Variants in ZCWPW2 observed in about 807,000 individuals in gnomAD.
ZCWPW2 encodes the protein zinc finger CW-type and PWWP domain containing 2, also known as zinc finger CW-type PWWP domain protein 2.
Under a neutral mutation model 46.6 loss-of-function variants are expected in ZCWPW2, and 45 were observed. The observed-to-expected ratio is 0.96, with a 90% CI of 0.76 to 1.24. ZCWPW2 has a LOEUF of 1.24. Among genes scored for constraint, ZCWPW2 ranks in the 50% most tolerant of loss-of-function variants. ZCWPW2 has a pLI of 0.00. For synonymous variants in ZCWPW2, 152 were observed against 137.1 expected, an observed-to-expected ratio of 1.11 and a Z score of -0.76; for missense variants, 429 against 403.9, an observed-to-expected ratio of 1.06 and a Z score of -0.53.
intron 6 of ZCWPW2, among the ~76,000 whole-genome samples, chr3:28,512,660 C>T (rs893034753): frequency 3.9e-5 from 6 of 152,082 alleles, no homozygotes; most frequent in African/African-American, 9.7e-5. Flanking sequence ...ATAGATTTGG[C>T]GATCTCATCA....
chr3:28,435,094 T>C lies in ZCWPW2; in HGVS notation c.333-16T>C, dbSNP rs759348985. The C allele has an allele frequency of 1.0e-5, 16 of 1,604,650 alleles. No homozygotes were observed. Among genetic ancestry groups the C allele is most frequent in the Non-Finnish European group, 1.3e-5 (15 of 1,177,784 alleles). On this transcript the variant is annotated splice_polypyrimidine_tract_variant and intron_variant, in intron 3 of 9. Transcript: ENST00000383768. The stretch of plus-strand genomic sequence containing the variant: ...TTAAAAGCATCAAAATAATTACAAA[T>C]ATTTTCTTTTGAAAGTTGGCCAGGA...
intron 1 of ZCWPW2, among the ~76,000 whole-genome samples, chr3:28,380,695 A>T (rs1695014550): frequency 6.6e-6 from 1 of 151,708 alleles, no homozygotes; most frequent in Admixed American, 6.6e-5. Flanking sequence ...ATTTAGGTTG[A>T]AATCTTAGTA....
intron 5 of ZCWPW2, among the ~76,000 whole-genome samples, chr3:28,483,141 T>C (rs921763879): frequency 6.6e-6 from 1 of 152,206 alleles, no homozygotes; most frequent in Non-Finnish European, 1.5e-5. Context: ...CGCCCTATGA[T>C]TCATTGTGAG....
In ZCWPW2 at chr3:28,524,725, T is replaced by A; in HGVS notation, c.*37T>A. On this transcript the variant is annotated 3_prime_UTR_variant, in exon 10 of 10. Transcript: ENST00000383768. ...TTTTTCAAATTAATTATAAAAATATTGGCATCTTTATATTTATCCAAAGTT... is the reference window on the plus strand; with the variant it reads ...TTTTTCAAATTAATTATAAAAATATAGGCATCTTTATATTTATCCAAAGTT... 1 of 1,407,060 alleles carries A rather than the reference T, an allele frequency of 7.1e-7. No homozygotes were observed. The highest frequency in any genetic ancestry group is 1.5e-5 in the South Asian group (1 of 64,754). 87.2% of individuals were successfully genotyped at this position (1,407,060 alleles called of 1,614,324 possible).
At chr3:28,507,232 A>G (rs1700300372) in intron 6 of ZCWPW2, among the ~76,000 whole-genome samples, 1 of 152,168 alleles carries the variant, frequency 6.6e-6, no homozygotes, top group Admixed American at 6.6e-5. Context: ...GGAATATTTA[A>G]CAAAGTAGAA....
intron 2 of ZCWPW2, among the ~76,000 whole-genome samples, chr3:28,402,518 A>G (rs1303109547): frequency 2.0e-5 from 3 of 152,198 alleles, no homozygotes; most frequent in Non-Finnish European, 4.4e-5. Flanking sequence ...ATTTCACAAG[A>G]TAAAGAAAGA....
intron 1 of ZCWPW2, among the ~76,000 whole-genome samples, chr3:28,364,956 T>G (rs1705074582): frequency 6.6e-6 from 1 of 151,312 alleles, no homozygotes; most frequent in South Asian, 2.1e-4. Context: ...TTGGCTGAAG[T>G]GTCTGTTCAT....
chr3:28,481,408 T>C (rs879548848), intron 5 of ZCWPW2, among the ~76,000 whole-genome samples: 4 of 152,106 alleles, frequency 2.6e-5, no homozygotes, highest in Non-Finnish European at 1.5e-5. Context: ...CACGCCCAGC[T>C]AATTTTTGTA....
At chr3:28,461,661 T>A (rs1698642268) in intron 4 of ZCWPW2, 1 of 152,180 alleles carries the variant, frequency 6.6e-6, no homozygotes, top group South Asian at 2.1e-4. Flanking sequence ...CAATAAATAT[T>A]TACTCAACTC....
At chr3:28,428,093 C>T (rs939045615) in intron 3 of ZCWPW2, 8 of 152,056 alleles carry the variant, frequency 5.3e-5, no homozygotes, top group Non-Finnish European at 8.8e-5. Context: ...ATGTAAATTT[C>T]CAATGTAAGT....
At chr3:28,369,647 A>C (rs1330467984) in intron 1 of ZCWPW2, among the ~76,000 whole-genome samples, 1 of 152,214 alleles carries the variant, frequency 6.6e-6, no homozygotes, top group East Asian at 1.9e-4. Context: ...TCAGATCTCC[A>C]GCTGCGTGCT....
intron 3 of ZCWPW2, among the ~76,000 whole-genome samples, chr3:28,422,879 T>C (rs1036504825): frequency 6.6e-6 from 1 of 152,210 alleles, no homozygotes; most frequent in East Asian, 1.9e-4. Flanking sequence ...GCATTTGGTG[T>C]TACCTGAATT....
At chr3:28,380,262 G>T (rs1161518837) in intron 1 of ZCWPW2, among the ~76,000 whole-genome samples, 1 of 152,072 alleles carries the variant, frequency 6.6e-6, no homozygotes. Context: ...GGGATTACAG[G>T]CATGAGCCAC....
At chr3:28,516,203 GCATTC>G (rs1443563400) in intron 8 of ZCWPW2, among the ~76,000 whole-genome samples, 3 of 151,856 alleles carry the variant, frequency 2.0e-5, no homozygotes, top group Non-Finnish European at 4.4e-5. Context: ...TCACACCACT[GCATTC>G]CAGCCTGGGC....
intron 4 of ZCWPW2, among the ~76,000 whole-genome samples, chr3:28,462,225 A>G (rs578101754): frequency 4.6e-5 from 7 of 152,168 alleles, no homozygotes; most frequent in Non-Finnish European, 8.8e-5. Context: ...AGAGAACAGA[A>G]GTCTGTCAGT....
chr3:28,512,392 G>A (rs1332402090), intron 6 of ZCWPW2, among the ~76,000 whole-genome samples: 1 of 151,612 alleles, frequency 6.6e-6, no homozygotes, highest in African/African-American at 2.4e-5. Context: ...GCCATGTTGA[G>A]CAGGCTAGTC....
chr3:28,377,460 A>G (rs774435246), intron 1 of ZCWPW2, among the ~76,000 whole-genome samples: 2 of 152,202 alleles, frequency 1.3e-5, no homozygotes, highest in South Asian at 2.1e-4. Flanking sequence ...ACAATTTTCT[A>G]ATTAGATTAG....
intron 6 of ZCWPW2, among the ~76,000 whole-genome samples, chr3:28,495,147 C>T (rs1048566452): frequency 6.6e-6 from 1 of 151,914 alleles, no homozygotes; most frequent in African/African-American, 2.4e-5. Context: ...AAGAACAAAG[C>T]TGGAGGCATC....
At chr3:28,407,500 G>A (rs567808545) in intron 2 of ZCWPW2, among the ~76,000 whole-genome samples, 13 of 152,142 alleles carry the variant, frequency 8.5e-5, no homozygotes, top group East Asian at 5.8e-4. Context: ...TAATATGCTA[G>A]GAGTTCAATA....
Sources: gnomAD v4.1 joint callset for allele counts (sites outside exome capture counted in the v4.1 genomes callset) on GRCh38, gnomAD v4.1.1 for gene constraint, MANE v1.5 for transcripts, NCBI Gene and HGNC (gene_info 2026-07-23, HGNC 2026-07-21) for gene names.